Variants in MIDEAS observed in about 807,000 individuals in gnomAD.
MIDEAS encodes mitotic deacetylase-associated SANT domain protein.
In MIDEAS, 26 loss-of-function variants were observed where a neutral mutation model predicts 102.7. The observed-to-expected ratio is 0.25, with a 90% CI of 0.19 to 0.35. The LOEUF (loss-of-function observed/expected upper bound fraction) is 0.35, where lower values mean the gene tolerates loss of function less well. MIDEAS is among the 10% of genes least tolerant of loss of function. The pLI is 1.00. For missense variants in MIDEAS, 1,231 were observed against 1,435.6 expected (o/e 0.86, Z 2.30); for synonymous variants, 585 against 591.0 (o/e 0.99, Z 0.15).
intron 1 of MIDEAS, among the ~76,000 whole-genome samples, chr14:73,775,481 C>G (rs1318276511): frequency 6.6e-6 from 1 of 152,050 alleles, no homozygotes; most frequent in African/African-American, 2.4e-5. Flanking sequence ...TGGCCAGGAA[C>G]TAGGAAGGCC....
In MIDEAS at chr14:73,726,120, G is replaced by A. The variant is rs1169439937; in HGVS notation, c.2410-12C>T. The A allele has an allele frequency of 1.9e-6, 3 of 1,581,590 alleles. No homozygotes were observed. Among genetic ancestry groups the A allele is most frequent in the South Asian group, 2.3e-5 (2 of 86,410 alleles). Reference sequence around the variant, plus strand: ...TTATTCAGCGTTTCCTGGAGGGGAAGTGAGGGAAGGGTCAGGGCACTGACA... The same window carrying A: ...TTATTCAGCGTTTCCTGGAGGGGAAATGAGGGAAGGGTCAGGGCACTGACA... On this transcript the variant is annotated splice_polypyrimidine_tract_variant and intron_variant, in intron 7 of 12. Transcript: ENST00000423556.
At chr14:73,775,327 G>T (rs1382504677) in intron 1 of MIDEAS, among the ~76,000 whole-genome samples, 1 of 151,968 alleles carries the variant, frequency 6.6e-6, no homozygotes, top group Non-Finnish European at 1.5e-5. Context: ...ATTAAGAGGG[G>T]GTGATATGAC....
intron 1 of MIDEAS, among the ~76,000 whole-genome samples, chr14:73,755,437 T>A (rs113109789): frequency 6.6e-5 from 10 of 152,302 alleles, no homozygotes; most frequent in African/African-American, 2.2e-4. Context: ...GCCAAAGCAG[T>A]CTTTAAGGAA....
intron 9 of MIDEAS, chr14:73,723,107 T>C (rs2053017923): frequency 3.2e-6 from 1 of 316,338 alleles, no homozygotes; most frequent in Non-Finnish European, 5.9e-6. Flanking sequence ...ACTCGGGAGA[T>C]GGCAATATGG....
intron 1 of MIDEAS, among the ~76,000 whole-genome samples, chr14:73,772,120 G>A (rs1414664299): frequency 2.0e-5 from 3 of 152,216 alleles, no homozygotes; most frequent in African/African-American, 7.2e-5. Flanking sequence ...GCCAGTCTAT[G>A]AAGTCAGGCC....
chr14:73,770,306 T>C (rs1033735576), intron 1 of MIDEAS, among the ~76,000 whole-genome samples: 1 of 152,222 alleles, frequency 6.6e-6, no homozygotes, highest in Non-Finnish European at 1.5e-5. Context: ...ATGTTTATTC[T>C]GTTAAGTTGA....
chr14:73,763,900 C>T (rs10133047), upstream of MIDEAS, among the ~76,000 whole-genome samples: 4,383 of 152,214 alleles, frequency 0.029, 70 homozygotes, highest in African/African-American at 0.05. Context: ...GAAAGGATGC[C>T]CACCTTCCAG....
In MIDEAS at chr14:73,727,503, G is replaced by C; in HGVS notation, c.2117C>G (p.Pro706Arg). Residue 706 changes from proline (P) to arginine (R), a missense_variant, in exon 5 of 13, where the codon CCT becomes CGT. Physicochemically the swap from Pro to Arg is moderately radical, Grantham distance 103. Coordinates refer to ENST00000423556, the MANE Select transcript of MIDEAS (RefSeq NM_001367710.1). ...LRTNSAEVTP[P>R]VLSVMGEATP... ...GGCCTCCCCCATCACAGAGAGGACA[G>C]GCGGGGTTACTTCAGCACTGTCTAT... The C allele has an allele frequency of 6.2e-7, 1 of 1,613,302 alleles. No individual in the cohort carries two copies. The highest frequency in any genetic ancestry group is 8.5e-7 in the Non-Finnish European group (1 of 1,179,620).
In MIDEAS at chr14:73,729,743, C is replaced by T. The variant is rs1386612727; in HGVS notation, c.1992G>A (p.Arg664=). The T allele has an allele frequency of 6.2e-7, 1 of 1,614,080 alleles. No individual in the cohort carries two copies. ...CATTGAAGTAGAGGCCAGAGCCTTC[C>T]CGCACAGGGCTGAGGATGGGGGGCG... ...YTPPPILSPV[R]EGSGLYFNAI... The change falls in exon 4 of 13, where the codon CGG becomes CGA. Residue 664 remains arginine, a synonymous_variant. Transcript: ENST00000423556.
At chr14:73,762,470 A>T (rs556448391), upstream of MIDEAS, among the ~76,000 whole-genome samples, 296 of 152,250 alleles carry the variant, frequency 1.9e-3, no homozygotes, top group African/African-American at 6.8e-3. Context: ...CTAAGAAAGG[A>T]GAGAGAAGAA....
At chr14:73,745,962 C>G (rs910134704) in intron 1 of MIDEAS, among the ~76,000 whole-genome samples, 1 of 152,212 alleles carries the variant, frequency 6.6e-6, no homozygotes, top group African/African-American at 2.4e-5. Flanking sequence ...AAGCAGAGCC[C>G]AGGCCAACAG....
chr14:73,738,595 T>G lies in MIDEAS; in HGVS notation c.1414A>C (p.Lys472Gln). ...TGCAGTGAGGCCAGCTCCACAGCCTTCTGGGCCAGGGTCAGCAAATTGGCC... is the reference window on the plus strand; with the variant it reads ...TGCAGTGAGGCCAGCTCCACAGCCTGCTGGGCCAGGGTCAGCAAATTGGCC... ...QEANLLTLAQ[K>Q]AVELASLQNA... The change falls in exon 2 of 13, where the codon AAG becomes CAG. Residue 472 changes from lysine to glutamine, a missense_variant. Transcript: ENST00000423556. 1 of 1,603,048 alleles carries G rather than the reference T, an allele frequency of 6.2e-7. No individual in the cohort carries two copies. Among genetic ancestry groups the G allele is most frequent in the Non-Finnish European group, 8.5e-7 (1 of 1,174,224 alleles).
Position 73,738,609 on chromosome 14 carries a change from A to G in MIDEAS, c.1400T>C (p.Leu467Pro), listed in dbSNP as rs772230990. The G allele has an allele frequency of 1.9e-6, 3 of 1,609,396 alleles. No homozygotes were observed. The South Asian group carries it at 3.3e-5, about 18-fold the overall frequency. ...RRRASQEANL[L>P]TLAQKAVELA... is the part of the protein sequence containing the mutation. ...CTCCACAGCCTTCTGGGCCAGGGTCAGCAAATTGGCCTCCTGGGATGCCCG... is the reference window on the plus strand; with the variant it reads ...CTCCACAGCCTTCTGGGCCAGGGTCGGCAAATTGGCCTCCTGGGATGCCCG... The change falls in exon 2 of 13, where the codon CTG (leucine) becomes CCG (proline). Residue 467 changes from leucine (L) to proline (P), a missense_variant. Around this residue, in one of 5 missense-constraint regions of MIDEAS, gnomAD observed 758 missense variants for 856.0 expected, o/e 0.89. Coordinates refer to ENST00000423556, the MANE Select transcript of MIDEAS (RefSeq NM_001367710.1).
chr14:73,788,405 G>T (rs947524124), upstream of MIDEAS, among the ~76,000 whole-genome samples: 19 of 152,086 alleles, frequency 1.2e-4, no homozygotes, highest in African/African-American at 4.6e-4. Context: ...TTGAGTGAAG[G>T]CTTTGTTCAG....
chr14:73,755,233 A>C (rs2053465760), intron 1 of MIDEAS, among the ~76,000 whole-genome samples: 1 of 152,084 alleles, frequency 6.6e-6, no homozygotes, highest in Admixed American at 6.5e-5. Context: ...GGGAAGCCTC[A>C]GCCCCAAGCC....
At position 73,730,692 on chromosome 14, in the gene MIDEAS, G is replaced by A. The variant is rs116656526; in HGVS notation, c.1750-707C>T. Among the ~76,000 whole-genome samples, 905 of 151,850 alleles carry A rather than the reference G, an allele frequency of 6.0e-3. 16 individuals are homozygous for A. The highest frequency in any genetic ancestry group is 0.021 in the African/African-American group (855 of 41,180). Reference sequence around the variant, plus strand: ...CAAAATGGAATGGACAAGGCCGGGCGTGGTAATCTCAGCACTTTGGGAGGT... The same window carrying A: ...CAAAATGGAATGGACAAGGCCGGGCATGGTAATCTCAGCACTTTGGGAGGT... On this transcript the variant is annotated intron_variant, in intron 3 of 12. Coordinates refer to ENST00000423556, the MANE Select transcript of MIDEAS (RefSeq NM_001367710.1).
intron 1 of MIDEAS, among the ~76,000 whole-genome samples, chr14:73,776,764 C>T (rs144608691): frequency 1.3e-5 from 2 of 152,056 alleles, no homozygotes; most frequent in East Asian, 3.9e-4. Context: ...AGGCTGCAGC[C>T]TCCAGAGCCT....
At chr14:73,770,156 A>G (rs1049447239) in intron 1 of MIDEAS, among the ~76,000 whole-genome samples, 2 of 152,144 alleles carry the variant, frequency 1.3e-5, no homozygotes, top group African/African-American at 4.8e-5. Flanking sequence ...ACAGAGGGAA[A>G]CTATCTGATG....
intron 1 of MIDEAS, among the ~76,000 whole-genome samples, chr14:73,748,705 GC>G (rs2053383724): frequency 6.6e-6 from 1 of 150,684 alleles, no homozygotes; most frequent in South Asian, 2.1e-4. Flanking sequence ...AGAGGTGGAG[GC>G]TGCAGTGAGC....
Sources: allele counts gnomAD v4.1 joint callset (sites outside exome capture counted in the v4.1 genomes callset), GRCh38; gene constraint gnomAD v4.1.1; regional missense constraint gnomAD v4.1.1; transcripts MANE v1.5; gene names NCBI Gene and HGNC (gene_info 2026-07-23, HGNC 2026-07-21).